CFAP54: variants seen among roughly 807,000 people sequenced by gnomAD.
CFAP54 encodes cilia and flagella associated protein 54, also known as cilia- and flagella-associated protein 54.
CFAP54 carries 290 observed loss-of-function variants against 370.4 expected under a neutral mutation model. The ratio of observed to expected loss-of-function variants is 0.78; its 90% CI spans 0.71 to 0.86. The LOEUF (loss-of-function observed/expected upper bound fraction) is 0.86. Among genes scored for constraint, CFAP54 ranks in the 40% least tolerant of loss-of-function variants. CFAP54 has a pLI of 0.00. For synonymous variants in CFAP54, 1,206 were observed against 1,236.5 expected (o/e 0.98, Z 0.52); for missense variants, 3,399 against 3,528.7 (o/e 0.96, Z 0.93).
At chr12:96,796,784 G>C (rs34458) in intron 63 of CFAP54, among the ~76,000 whole-genome samples, 23,919 of 151,938 alleles carry the variant, frequency 0.16, 2,318 homozygotes, top group East Asian at 0.27. Context: ...AATGATGTAC[G>C]CTTTTTCATT....
chr12:96,856,617 G>A (rs753686328), intron 66 of CFAP54, among the ~76,000 whole-genome samples: 6 of 150,940 alleles, frequency 4.0e-5, no homozygotes, highest in African/African-American at 7.4e-5. Context: ...CCTCATCCTG[G>A]ACTTTATTGT....
chr12:96,594,260 A>G, intron 24 of CFAP54, 31 bp from the exon 25 acceptor site: 2 of 1,477,022 alleles, frequency 1.4e-6, no homozygotes, highest in Non-Finnish European at 1.8e-6. Context: ...ACCTATGTTC[A>G]ATCTGAGTAA....
intron 63 of CFAP54, among the ~76,000 whole-genome samples, chr12:96,807,354 G>A (rs1020347708): frequency 6.6e-6 from 1 of 152,118 alleles, no homozygotes; most frequent in African/African-American, 2.4e-5. Context: ...CATTTATTGA[G>A]TACATACCAT....
chr12:96,818,323 C>G (rs1958998475), intron 65 of CFAP54, among the ~76,000 whole-genome samples: 2 of 151,986 alleles, frequency 1.3e-5, no homozygotes, highest in Admixed American at 1.3e-4. Context: ...TTTTATATTA[C>G]ATATATTTTT....
chr12:96,568,722 T>C (rs1267406574), intron 19 of CFAP54, among the ~76,000 whole-genome samples: 1 of 152,226 alleles, frequency 6.6e-6, no homozygotes, highest in African/African-American at 2.4e-5. Flanking sequence ...CCTGAGTCTC[T>C]TTAGAACTCT....
chr12:96,725,863 T>C (rs1178157911), intron 50 of CFAP54, among the ~76,000 whole-genome samples: 7 of 151,708 alleles, frequency 4.6e-5, no homozygotes, highest in Admixed American at 3.9e-4. Flanking sequence ...AATACCTAAT[T>C]TATTGAGAGT....
intron 46 of CFAP54, among the ~76,000 whole-genome samples, chr12:96,701,933 T>A (rs1399707603): frequency 3.3e-5 from 5 of 152,028 alleles, no homozygotes; most frequent in African/African-American, 4.8e-5. Context: ...TGCTTACTAT[T>A]GGGGAAGAGG....
At chr12:96,752,645 C>A (rs1194465756) in intron 55 of CFAP54, among the ~76,000 whole-genome samples, 1 of 152,210 alleles carries the variant, frequency 6.6e-6, no homozygotes, top group Non-Finnish European at 1.5e-5. Context: ...CCTAGACAGC[C>A]ACATTCTCTG....
At chr12:96,839,581 C>T (rs1959199088) in intron 66 of CFAP54, among the ~76,000 whole-genome samples, 1 of 152,202 alleles carries the variant, frequency 6.6e-6, no homozygotes, top group South Asian at 2.1e-4. Flanking sequence ...AACAAAGCAC[C>T]CCAAACTTAG....
chr12:96,820,533 A>G (rs1247134855), intron 65 of CFAP54, among the ~76,000 whole-genome samples: 2 of 152,172 alleles, frequency 1.3e-5, no homozygotes, highest in African/African-American at 4.8e-5. Flanking sequence ...ACTTTTCAGC[A>G]TTTATGACTT....
chr12:96,787,888 G>C (rs1196310717), intron 62 of CFAP54, among the ~76,000 whole-genome samples: 1 of 151,336 alleles, frequency 6.6e-6, no homozygotes, highest in African/African-American at 2.4e-5. Context: ...ATTGGCAAAG[G>C]ATAGATGAAA....
At chr12:96,503,092 CTT>C (rs1471885482) in intron 2 of CFAP54, among the ~76,000 whole-genome samples, 8 of 126,772 alleles carry the variant, frequency 6.3e-5, no homozygotes, top group South Asian at 5.6e-4. Context: ...CTCTTTCTTT[CTT>C]TCTCTCTCTC....
rs1051485789 is a variant in CFAP54, at chr12:96,632,742, G to T, written c.4316+2091G>T. ...GGGTATTCTTCCACAAAATGGAATG[G>T]TTTTTTGATTAATACAAAAAACTCT... is the stretch of plus-strand genomic sequence containing the variant. On this transcript the variant is annotated intron_variant, in intron 32 of 67. Transcript: ENST00000524981. 3.1e-4 allele frequency among the ~76,000 whole-genome samples: 47 copies of T among 152,036 alleles called. 1 individual carries two copies. The highest frequency in any genetic ancestry group is 3.4e-3 in the Middle Eastern group (1 of 294).
chr12:96,837,947 C>CA (rs1184157848), intron 66 of CFAP54, among the ~76,000 whole-genome samples: 1 of 152,232 alleles, frequency 6.6e-6, no homozygotes, highest in African/African-American at 2.4e-5. Context: ...AGCATTCTCT[C>CA]ACCATTTCTC....
At chr12:96,621,527 GCATTATAC>G in intron 26 of CFAP54, 55 bp from the exon 27 acceptor site, 1 of 1,120,760 alleles carries the variant, frequency 8.9e-7, no homozygotes, top group Non-Finnish European at 1.2e-6. Flanking sequence ...GGAAAATGAT[GCATTATAC>G]TTGAAAATAG....
At chr12:96,603,626 C>T (rs1448428589) in intron 26 of CFAP54, among the ~76,000 whole-genome samples, 1 of 152,184 alleles carries the variant, frequency 6.6e-6, no homozygotes, top group Non-Finnish European at 1.5e-5. Context: ...TCACATAGTC[C>T]CATATTTCTT....
At position 96,491,888 on chromosome 12, in the gene CFAP54, TAG is replaced by T. The variant is rs560890786; in HGVS notation, c.317+1963_317+1964del. On this transcript the variant is annotated intron_variant, in intron 1 of 67. Transcript: ENST00000524981. Reference sequence around the variant, plus strand: ...GATTCTTGTGCCTCAGCCTTCTGAGTAGCTGGGACTACAGGTGCCTGCTACCA... The same window carrying T: ...GATTCTTGTGCCTCAGCCTTCTGAGTCTGGGACTACAGGTGCCTGCTACCA... Among the ~76,000 whole-genome samples, 78 of 152,272 alleles carry T rather than the reference TAG, an allele frequency of 5.1e-4. No individual in the cohort carries two copies. The Middle Eastern group carries it at 0.01, about 20-fold the overall frequency.
At chr12:96,616,562 A>G (rs1317854098) in intron 26 of CFAP54, among the ~76,000 whole-genome samples, 2 of 152,178 alleles carry the variant, frequency 1.3e-5, no homozygotes, top group African/African-American at 4.8e-5. Flanking sequence ...TGATTAAAAC[A>G]TTTTTATGAC....
At chr12:96,606,501 T>G (rs1268265756) in intron 26 of CFAP54, among the ~76,000 whole-genome samples, 1 of 152,202 alleles carries the variant, frequency 6.6e-6, no homozygotes, top group Non-Finnish European at 1.5e-5. Context: ...CTAAATTTAT[T>G]TAGGCTTTAA....
Sources: allele counts gnomAD v4.1 joint callset (sites outside exome capture counted in the v4.1 genomes callset), GRCh38; gene constraint gnomAD v4.1.1; transcripts MANE v1.5; gene names NCBI Gene and HGNC (gene_info 2026-07-23, HGNC 2026-07-21).